The following BIVM variants were observed in gnomAD, a reference collection of about 807,000 sequenced individuals.
BIVM encodes the protein basic immunoglobulin-like variable motif-containing protein.
A neutral mutation model predicts 61.4 loss-of-function variants in BIVM; 31 were observed. That is an observed-to-expected ratio of 0.51 (90% confidence interval 0.38 to 0.68). The LOEUF (loss-of-function observed/expected upper bound fraction) is 0.68. Among genes scored for constraint, BIVM ranks in the 30% least tolerant of loss-of-function variants. BIVM has a pLI of 0.00. For synonymous variants in BIVM, 189 were observed against 210.7 expected (o/e 0.90, Z 0.89); for missense variants, 526 against 596.0 (o/e 0.88, Z 1.22).
chr13:102,828,661 A>C (rs947556916), intron 7 of BIVM, among the ~76,000 whole-genome samples: 1 of 152,218 alleles, frequency 6.6e-6, no homozygotes, highest in Non-Finnish European at 1.5e-5. Context: ...CTTACAGCAT[A>C]AACTGCTTAG....
intron 10 of BIVM, among the ~76,000 whole-genome samples, 172 bp downstream of exon 10, chr13:102,838,911 G>C (rs1480841936): frequency 6.6e-6 from 1 of 152,200 alleles, no homozygotes; most frequent in Non-Finnish European, 1.5e-5. Context: ...GGTATAACCT[G>C]GAGTCATAAA....
chr13:102,811,363 G>A (rs1879482168), intron 3 of BIVM, among the ~76,000 whole-genome samples: 1 of 152,012 alleles, frequency 6.6e-6, no homozygotes, highest in South Asian at 2.1e-4. Flanking sequence ...ATTCTTGTTT[G>A]AATTTTTTTT....
At chr13:102,839,428 G>A (rs1199297999) in intron 10 of BIVM, 144 bp from the exon 11 acceptor site, 15 of 1,104,266 alleles carry the variant, frequency 1.4e-5, no homozygotes, top group Admixed American at 2.8e-5. Flanking sequence ...GGTGCAGGAT[G>A]AGGTGCTCTG....
chr13:102,806,779 G>A (rs939511828), intron 2 of BIVM, among the ~76,000 whole-genome samples: 5 of 151,886 alleles, frequency 3.3e-5, no homozygotes, highest in South Asian at 2.1e-4. Context: ...GCGTGGTGGC[G>A]CATGCCTGTA....
At chr13:102,800,128 A>C (rs1878646999) in intron 1 of BIVM, among the ~76,000 whole-genome samples, 1 of 152,216 alleles carries the variant, frequency 6.6e-6, no homozygotes, top group South Asian at 2.1e-4. Context: ...GGCGCCAGGA[A>C]AGGGGGTTTC....
chr13:102,838,497 T>TACATATTTCATCTATTAC, intron 9 of BIVM, 146 bp from the exon 10 acceptor site: 1 of 631,200 alleles, frequency 1.6e-6, no homozygotes, highest in Non-Finnish European at 2.5e-6. Context: ...TATTACAGTT[T>TACATATTTCATCTATTAC]AGTAGATGAA....
chr13:102,824,953 T>TTAA (rs1880566622), intron 7 of BIVM, among the ~76,000 whole-genome samples: 3 of 125,140 alleles, frequency 2.4e-5, no homozygotes, highest in Non-Finnish European at 3.4e-5. Context: ...TTAATTAATT[T>TTAA]TTTTTTTGAG....
chr13:102,831,419 A>G (rs1430235221), intron 7 of BIVM, 146 bp from the exon 8 acceptor site: 8 of 1,268,858 alleles, frequency 6.3e-6, no homozygotes, highest in South Asian at 1.7e-5. Flanking sequence ...TTTTGTACCT[A>G]TCAATAGCTT....
At position 102,836,573 on chromosome 13, in the gene BIVM, C is replaced by A. The variant is rs146974896; in HGVS notation, c.1121+2021C>A. 1.5e-3 allele frequency among the ~76,000 whole-genome samples: 228 copies of A among 152,332 alleles called. 1 individual carries two copies. The highest frequency in any genetic ancestry group is 0.013 in the East Asian group (67 of 5,194). ...AAGTGATCTTACTTCCTTGGCCTCCCAAAGGGCCGGGATTACAGATGTGAG... is the reference window on the plus strand; with the variant it reads ...AAGTGATCTTACTTCCTTGGCCTCCAAAAGGGCCGGGATTACAGATGTGAG... On this transcript the variant is annotated intron_variant, in intron 9 of 10. Transcript: ENST00000257336.
chr13:102,800,735 G>C, intron 1 of BIVM: 1 of 152,298 alleles, frequency 6.6e-6, no homozygotes, highest in East Asian at 1.9e-4. Context: ...GGGACCCGCA[G>C]GTCTGAAGGG....
chr13:102,839,683 C>A lies in BIVM; in HGVS notation c.1330C>A (p.His444Asn), dbSNP rs1201308106. Residue 444 changes from histidine to asparagine, a missense_variant, in exon 11 of 11, where the codon CAT becomes AAT. By Grantham distance (68) the His-to-Asn change is moderately conservative. This residue lies in a region of BIVM where 210 missense variants were observed against 233.1 expected (regional missense o/e 0.90). Coordinates refer to ENST00000257336, the MANE Select transcript of BIVM (RefSeq NM_017693.4). ...TAGACAAGAATCACAACCTCCAACACATGCCCAGGGAATTGCCAAATCTGA... is the reference window on the plus strand; with the variant it reads ...TAGACAAGAATCACAACCTCCAACAAATGCCCAGGGAATTGCCAAATCTGA... ...TIRQESQPPT[H>N]AQGIAKSESE... 1 of 1,614,092 alleles carries A rather than the reference C, an allele frequency of 6.2e-7. No individual in the cohort carries two copies. The highest frequency in any genetic ancestry group is 8.5e-7 in the Non-Finnish European group (1 of 1,180,046).
chr13:102,816,437 AG>A lies in BIVM; in HGVS notation c.489del (p.Lys164AsnfsTer34). 1 of 1,580,200 alleles carries A rather than the reference AG, an allele frequency of 6.3e-7. No individual in the cohort carries two copies. The highest frequency in any genetic ancestry group is 8.6e-7 in the Non-Finnish European group (1 of 1,168,164). ...TNSKHKSGNA[K>X]KQVSKRKTSD... is the part of the protein sequence containing the mutation. ...TACTCTTGTATTCTAGGCAATGCAA[AG>A]AAACAAGTTTCCAAGAGAAAAACTT... is the stretch of plus-strand genomic sequence containing the variant. On this transcript the variant is annotated frameshift_variant, in exon 4 of 11. Transcript: ENST00000257336. LOFTEE classifies it high-confidence loss of function.
At chr13:102,804,802 G>C (rs1187060479) in intron 1 of BIVM, among the ~76,000 whole-genome samples, 2 of 152,182 alleles carry the variant, frequency 1.3e-5, no homozygotes, top group African/African-American at 2.4e-5. Context: ...TGCTTTAAAA[G>C]TAAAGAAAAT....
rs1880338676 is a variant in BIVM at position 102,822,174 on chromosome 13, A to G, written c.901+15A>G. On this transcript the variant is annotated intron_variant, in intron 7 of 10. Coordinates refer to ENST00000257336, the MANE Select transcript of BIVM (RefSeq NM_017693.4). Reference sequence around the variant, plus strand: ...AGGAGAAACTGGTAGGTAAACATATAGAAGATTTACATACACACATACACA... The same window carrying G: ...AGGAGAAACTGGTAGGTAAACATATGGAAGATTTACATACACACATACACA... 6.2e-7 allele frequency: 1 copy of G among 1,609,944 alleles called. No homozygotes were observed. The highest frequency in any genetic ancestry group is 8.5e-7 in the Non-Finnish European group (1 of 1,177,074).
At chr13:102,820,784 T>G (rs1880217712) in intron 4 of BIVM, 1 of 392,596 alleles carries the variant, frequency 2.5e-6, no homozygotes, top group Non-Finnish European at 4.5e-6. Flanking sequence ...TCATTATTTT[T>G]TTTCCCATTG....
chr13:102,807,618 G>A lies in BIVM; in HGVS notation c.351G>A (p.Ser117=), dbSNP rs761890081. 2.3e-5 allele frequency: 37 copies of A among 1,613,902 alleles called. No individual in the cohort carries two copies. The highest frequency in any genetic ancestry group is 2.9e-5 in the Non-Finnish European group (34 of 1,180,032). ...ACATTGGTATCCCGACTAGTACATC[G>A]GAAATTATCTACAATGAAGAAAATA... ...SRYIGIPTST[S]EIIYNEENSL... is the part of the protein sequence containing the mutation. Residue 117 remains serine, a synonymous_variant, in exon 3 of 11, where the codon TCG becomes TCA. Transcript: ENST00000257336. The surrounding 1 kb of genome is among the most constrained non-coding windows in gnomAD (Gnocchi z 4.0).
chr13:102,816,512 TTG>T lies in BIVM; in HGVS notation c.564_565del (p.Glu189ArgfsTer3). Reference sequence around the variant, plus strand: ...AAGGAATGTCCTCAGCATTCTCCTCTTGAAGATATTAAACAGCGGAAAGTATT... The same window carrying T: ...AAGGAATGTCCTCAGCATTCTCCTCTAAGATATTAAACAGCGGAAAGTATT... On this transcript the variant is annotated frameshift_variant, in exon 4 of 11. Transcript: ENST00000257336. LOFTEE classifies it high-confidence loss of function. The T allele has an allele frequency of 5.7e-6, 9 of 1,592,458 alleles. No individual in the cohort carries two copies. The highest frequency in any genetic ancestry group is 7.7e-6 in the Non-Finnish European group (9 of 1,172,908).
intron 8 of BIVM, among the ~76,000 whole-genome samples, chr13:102,834,021 C>T (rs1881295225): frequency 6.6e-6 from 1 of 152,100 alleles, no homozygotes; most frequent in South Asian, 2.1e-4. Flanking sequence ...TATATAAATC[C>T]CCAGGCTCTA....
chr13:102,838,364 C>A (rs1881624069), intron 9 of BIVM, among the ~76,000 whole-genome samples: 2 of 152,154 alleles, frequency 1.3e-5, no homozygotes, highest in African/African-American at 4.8e-5. Context: ...CATATTGCTG[C>A]TTTAGCATGC....
Sources: allele counts gnomAD v4.1 joint callset (sites outside exome capture counted in the v4.1 genomes callset), GRCh38; gene constraint gnomAD v4.1.1; regional missense constraint gnomAD v4.1.1; non-coding constraint Gnocchi (gnomAD v3.1); transcripts MANE v1.5; gene names NCBI Gene and HGNC (gene_info 2026-07-23, HGNC 2026-07-21).